Variants in CDK19 observed in about 807,000 individuals in gnomAD.
The protein encoded by CDK19 is cyclin-dependent kinase 19.
CDK19 carries 20 observed loss-of-function variants against 68.3 expected under a neutral mutation model. The observed-to-expected ratio is 0.29, with a 90% confidence interval of 0.21 to 0.43. The LOEUF (loss-of-function observed/expected upper bound fraction) is 0.43, where lower values mean the gene tolerates loss of function less well. Among genes scored for constraint, CDK19 ranks in the 20% least tolerant of loss-of-function variants. CDK19 has a pLI of 1.00. For missense variants in CDK19, 339 were observed against 623.5 expected (o/e 0.54, Z 4.86); for synonymous variants, 221 against 222.8 (o/e 0.99, Z 0.07).
chr6:110,633,174 G>A (rs1406082722), intron 5 of CDK19, among the ~76,000 whole-genome samples: 4 of 151,856 alleles, frequency 2.6e-5, no homozygotes, highest in African/African-American at 4.8e-5. Context: ...AGCCGAGTTC[G>A]TGCCACTGCA....
At chr6:110,683,976 C>A (rs895660015) in intron 2 of CDK19, among the ~76,000 whole-genome samples, 1 of 151,476 alleles carries the variant, frequency 6.6e-6, no homozygotes, top group African/African-American at 2.4e-5. Context: ...CCCAAAGTGC[C>A]GAGAATACAG....
chr6:110,770,494 A>G (rs1779940427), intron 1 of CDK19, among the ~76,000 whole-genome samples: 1 of 152,182 alleles, frequency 6.6e-6, no homozygotes, highest in South Asian at 2.1e-4. Context: ...TGCTCCCATG[A>G]TTCAAATTGT....
intron 2 of CDK19, among the ~76,000 whole-genome samples, chr6:110,700,240 T>C (rs990089902): frequency 6.6e-6 from 1 of 152,154 alleles, no homozygotes; most frequent in African/African-American, 2.4e-5. Context: ...TTACACACTA[T>C]GGTGAGATGT....
chr6:110,767,155 A>AG (rs933938140), intron 1 of CDK19, among the ~76,000 whole-genome samples: 19 of 145,322 alleles, frequency 1.3e-4, no homozygotes, highest in Middle Eastern at 6.9e-3. Context: ...ATAAATAAAT[A>AG]GGAAAAAAAA....
intron 1 of CDK19, among the ~76,000 whole-genome samples, chr6:110,765,449 CG>C (rs1779511938): frequency 6.6e-6 from 1 of 151,674 alleles, no homozygotes. Flanking sequence ...GAGGCCGAGG[CG>C]GGTGGATCAC....
At chr6:110,634,253 G>A (rs1239325664) in intron 5 of CDK19, among the ~76,000 whole-genome samples, 1 of 152,196 alleles carries the variant, frequency 6.6e-6, no homozygotes, top group Non-Finnish European at 1.5e-5. Context: ...GTCTCGCTCT[G>A]TTGCCCAGGC....
intron 8 of CDK19, among the ~76,000 whole-genome samples, chr6:110,623,743 T>TATATATATACATATATATATACAC (rs1562129609): frequency 1.4e-4 from 19 of 136,124 alleles, no homozygotes; most frequent in Non-Finnish European, 2.3e-4. Context: ...GGCCAATATA[T>TATATATATACATATATATATACAC]ATATATATAC....
intron 10 of CDK19, 138 bp from the exon 11 acceptor site, chr6:110,622,304 G>T: frequency 1.6e-6 from 1 of 618,082 alleles, no homozygotes; most frequent in Non-Finnish European, 2.8e-6. Context: ...AATCTTGACT[G>T]CTGCTAGCTA....
At chr6:110,790,040 T>C (rs981857556) in intron 1 of CDK19, among the ~76,000 whole-genome samples, 1 of 152,154 alleles carries the variant, frequency 6.6e-6, no homozygotes, top group Admixed American at 6.5e-5. Context: ...AACCAATATA[T>C]AGCTATTCAT....
intron 1 of CDK19, among the ~76,000 whole-genome samples, chr6:110,758,309 G>A (rs1233903143): frequency 6.6e-6 from 1 of 152,174 alleles, no homozygotes; most frequent in Non-Finnish European, 1.5e-5. Flanking sequence ...GTCAAATGTA[G>A]AAGCAAGGTC....
intron 2 of CDK19, among the ~76,000 whole-genome samples, chr6:110,719,777 CT>C (rs1775683968): frequency 6.6e-6 from 1 of 152,128 alleles, no homozygotes; most frequent in South Asian, 2.1e-4. Context: ...GTCACACAGG[CT>C]GGGGTGCAGT....
At chr6:110,804,873 G>A (rs757505619) in intron 1 of CDK19, among the ~76,000 whole-genome samples, 3 of 151,502 alleles carry the variant, frequency 2.0e-5, no homozygotes, top group African/African-American at 4.8e-5. Context: ...GTAGAATGGC[G>A]TGAACCCAGG....
At chr6:110,641,201 T>C (rs1780138468) in intron 4 of CDK19, among the ~76,000 whole-genome samples, 1 of 151,904 alleles carries the variant, frequency 6.6e-6, no homozygotes, top group African/African-American at 2.4e-5. Flanking sequence ...ATGTAAAAAG[T>C]GTTGTACTTC....
At chr6:110,678,893 G>A (rs1771757676) in intron 2 of CDK19, among the ~76,000 whole-genome samples, 1 of 152,176 alleles carries the variant, frequency 6.6e-6, no homozygotes, top group Non-Finnish European at 1.5e-5. Context: ...CTCCCCAATA[G>A]TGGAAGAAGC....
chr6:110,780,200 G>C (rs963845194), intron 1 of CDK19, among the ~76,000 whole-genome samples: 16 of 150,880 alleles, frequency 1.1e-4, no homozygotes, highest in Non-Finnish European at 2.1e-4. Flanking sequence ...CCTGGGCGAC[G>C]GAGTGAGACT....
intron 2 of CDK19, among the ~76,000 whole-genome samples, chr6:110,698,452 A>G (rs1773682231): frequency 1.3e-5 from 2 of 152,216 alleles, no homozygotes; most frequent in South Asian, 4.1e-4. Context: ...GAAGACCACA[A>G]TGAGATACCA....
At chr6:110,703,878 T>A (rs1251373330) in intron 2 of CDK19, among the ~76,000 whole-genome samples, 1 of 152,132 alleles carries the variant, frequency 6.6e-6, no homozygotes, top group African/African-American at 2.4e-5. Flanking sequence ...TATACATATA[T>A]TTAGAATAGT....
chr6:110,668,204 T>C (rs747345502), intron 3 of CDK19, among the ~76,000 whole-genome samples: 14 of 152,074 alleles, frequency 9.2e-5, no homozygotes, highest in Non-Finnish European at 1.6e-4. Context: ...AGGGAAAAAA[T>C]GCTACCTGCC....
intron 2 of CDK19, among the ~76,000 whole-genome samples, chr6:110,697,992 T>C (rs947608084): frequency 2.0e-5 from 3 of 152,164 alleles, no homozygotes; most frequent in Non-Finnish European, 4.4e-5. Context: ...TCCTCATCTC[T>C]TACCTTATAC....
Sources: allele counts gnomAD v4.1 joint callset (sites outside exome capture counted in the v4.1 genomes callset), GRCh38; gene constraint gnomAD v4.1.1; transcripts MANE v1.5; gene names NCBI Gene and HGNC (gene_info 2026-07-23, HGNC 2026-07-21).